The following TMED3 variants were observed in gnomAD, a reference collection of about 807,000 sequenced individuals.
The protein encoded by TMED3 is transmembrane p24 trafficking protein 3.
In TMED3, 9 loss-of-function variants were observed where a neutral mutation model predicts 15.0. The ratio of observed to expected loss-of-function variants is 0.60; its 90% CI spans 0.36 to 1.04. TMED3 has a LOEUF of 1.04. Ranked by LOEUF, TMED3 falls within the 50% of genes least tolerant of loss-of-function variation. The pLI, the probability that TMED3 is intolerant of heterozygous loss-of-function variation, is 0.01. For synonymous variants in TMED3, 117 were observed against 121.4 expected (o/e 0.96, Z 0.24); for missense variants, 267 against 278.9 (o/e 0.96, Z 0.30).
intron 2 of TMED3, among the ~76,000 whole-genome samples, chr15:79,400,135 C>T (rs539148838): frequency 6.6e-6 from 1 of 152,346 alleles, no homozygotes; most frequent in Admixed American, 6.5e-5. Flanking sequence ...CTCCCAACCT[C>T]AGGGCCTTTG....
intron 2 of TMED3, among the ~76,000 whole-genome samples, chr15:79,410,646 G>A (rs770411412): frequency 1.3e-4 from 20 of 151,926 alleles, no homozygotes; most frequent in Non-Finnish European, 2.6e-4. Flanking sequence ...GCTTTAAATT[G>A]TGGAAAAAAA....
chr15:79,365,529 G>C (rs955148063), intron 2 of TMED3, among the ~76,000 whole-genome samples: 1 of 152,188 alleles, frequency 6.6e-6, no homozygotes, highest in African/African-American at 2.4e-5. Flanking sequence ...TTTAAAAGGG[G>C]AAAAGCAGAC....
At chr15:79,314,414 A>G (rs1209228526) in intron 2 of TMED3, 1 of 394,020 alleles carries the variant, frequency 2.5e-6, no homozygotes, top group Non-Finnish European at 5.1e-6. Context: ...CCAAACATCA[A>G]TGGCTTAACA....
chr15:79,325,606 CA>C (rs2141220404), downstream of TMED3, among the ~76,000 whole-genome samples: 1 of 152,244 alleles, frequency 6.6e-6, no homozygotes, highest in South Asian at 2.1e-4. Flanking sequence ...CACACGATCA[CA>C]AGGTGAAGTC....
chr15:79,353,866 G>A (rs554608086), intron 2 of TMED3, among the ~76,000 whole-genome samples: 1 of 152,202 alleles, frequency 6.6e-6, no homozygotes. Context: ...TTTGTCATAT[G>A]CTTCTTCCCA....
intron 2 of TMED3, among the ~76,000 whole-genome samples, chr15:79,332,873 T>G (rs1325782962): frequency 6.6e-6 from 1 of 152,190 alleles, no homozygotes; most frequent in Non-Finnish European, 1.5e-5. Context: ...CTTCGTCATT[T>G]CCAAACTTTC....
chr15:79,379,941 G>T (rs1893491700), intron 2 of TMED3, among the ~76,000 whole-genome samples: 1 of 152,140 alleles, frequency 6.6e-6, no homozygotes, highest in African/African-American at 2.4e-5. Flanking sequence ...ATTATTGAAT[G>T]AAACACACCA....
At chr15:79,335,384 C>T (rs1293483978) in intron 2 of TMED3, among the ~76,000 whole-genome samples, 1 of 152,246 alleles carries the variant, frequency 6.6e-6, no homozygotes, top group South Asian at 2.1e-4. Context: ...AATCATGTGA[C>T]CCCAAACTAT....
chr15:79,322,559 C>T lies in TMED3; in HGVS notation c.*345C>T, dbSNP rs2058772553. ...CAGGCCTCTTGGGCAGCTTAGGGCCCTGCCTCTGTTTCATGATGCATGGGT... is the reference window on the plus strand; with the variant it reads ...CAGGCCTCTTGGGCAGCTTAGGGCCTTGCCTCTGTTTCATGATGCATGGGT... On this transcript the variant is annotated 3_prime_UTR_variant, in exon 3 of 3. Transcript: ENST00000299705. 2 of 1,100,220 alleles carry T rather than the reference C, an allele frequency of 1.8e-6. No individual in the cohort carries two copies. Among genetic ancestry groups the T allele is most frequent in the African/African-American group, 1.6e-5 (1 of 61,258 alleles). 68.2% of individuals were successfully genotyped at this position (1,100,220 alleles called of 1,614,324 possible).
intron 2 of TMED3, among the ~76,000 whole-genome samples, chr15:79,319,145 C>A (rs528581325): frequency 6.6e-6 from 1 of 152,210 alleles, no homozygotes; most frequent in African/African-American, 2.4e-5. Flanking sequence ...GCTGGTGTAC[C>A]CAGTCTAACT....
At chr15:79,341,540 G>A (rs147476965) in intron 2 of TMED3, among the ~76,000 whole-genome samples, 1 of 152,306 alleles carries the variant, frequency 6.6e-6, no homozygotes, top group East Asian at 1.9e-4. Context: ...AGATCACTGT[G>A]GCTGCTGTTA....
chr15:79,379,312 G>A (rs559422224), intron 2 of TMED3, among the ~76,000 whole-genome samples: 2 of 152,238 alleles, frequency 1.3e-5, no homozygotes, highest in South Asian at 4.1e-4. Flanking sequence ...AGCTTATTCA[G>A]TTGATGGAAA....
chr15:79,313,540 C>T (rs990288194), intron 1 of TMED3, among the ~76,000 whole-genome samples: 1 of 152,204 alleles, frequency 6.6e-6, no homozygotes, highest in South Asian at 2.1e-4. Context: ...GGCATAGATT[C>T]AAATCTTAGC....
intron 2 of TMED3, among the ~76,000 whole-genome samples, chr15:79,389,189 C>T (rs943061020): frequency 2.0e-5 from 3 of 152,092 alleles, no homozygotes; most frequent in African/African-American, 7.2e-5. Flanking sequence ...ACGGGCTTTT[C>T]CAATGTTGTC....
At chr15:79,411,391 A>G (rs898455849) in intron 2 of TMED3, 25 of 702,314 alleles carry the variant, frequency 3.6e-5, no homozygotes, top group Non-Finnish European at 5.2e-6. Context: ...ATCTTTTTGA[A>G]CAATGAAGAG....
downstream of TMED3, among the ~76,000 whole-genome samples, chr15:79,324,694 TA>T (rs1567023997): frequency 6.6e-6 from 1 of 152,208 alleles, no homozygotes; most frequent in Non-Finnish European, 1.5e-5. Context: ...CAAGTTCTTT[TA>T]GGGGATATTT....
chr15:79,370,518 C>G (rs1285483174), intron 2 of TMED3, among the ~76,000 whole-genome samples: 1 of 152,080 alleles, frequency 6.6e-6, no homozygotes, highest in Non-Finnish European at 1.5e-5. Context: ...CAACCATCCC[C>G]TTTTGCTCTT....
downstream of TMED3, among the ~76,000 whole-genome samples, chr15:79,326,048 A>G (rs2058786326): frequency 6.6e-6 from 1 of 152,182 alleles, no homozygotes; most frequent in African/African-American, 2.4e-5. Context: ...GGCATCTTTC[A>G]ATCCAATCAA....
chr15:79,357,035 TAC>T (rs2058922017), intron 2 of TMED3, among the ~76,000 whole-genome samples: 1 of 104,434 alleles, frequency 9.6e-6, no homozygotes, highest in South Asian at 3.0e-4. Flanking sequence ...AAAAAGAATA[TAC>T]ACATAAACAC....
Sources: gnomAD v4.1 joint callset for allele counts (sites outside exome capture counted in the v4.1 genomes callset) on GRCh38, gnomAD v4.1.1 for gene constraint, MANE v1.5 for transcripts, NCBI Gene and HGNC (gene_info 2026-07-23, HGNC 2026-07-21) for gene names.